The following LNP1 variants were observed in gnomAD, a reference collection of about 807,000 sequenced individuals.
The protein encoded by LNP1 is leukemia NUP98 fusion partner 1.
LNP1 carries 12 observed loss-of-function variants against 14.5 expected under a neutral mutation model. That is an observed-to-expected ratio of 0.83 (90% CI 0.53 to 1.34). The LOEUF is 1.34. Ranked by LOEUF, LNP1 falls within the 40% of genes most tolerant of loss-of-function variation. The probability of loss-of-function intolerance (pLI) is 0.00; values close to 1 mark genes in which losing one functional copy is unlikely to be tolerated. For synonymous variants in LNP1, 75 were observed against 71.4 expected (o/e 1.05, Z -0.26); for missense variants, 198 against 210.9 (o/e 0.94, Z 0.38).
At chr3:100,411,779 C>T (rs1707033965) in intron 1 of LNP1, among the ~76,000 whole-genome samples, 1 of 152,262 alleles carries the variant, frequency 6.6e-6, no homozygotes, top group East Asian at 1.9e-4. Context: ...ACCAAGGCCC[C>T]ACCCTCATAA....
chr3:100,412,148 A>G (rs1302471527), intron 1 of LNP1, among the ~76,000 whole-genome samples: 1 of 152,224 alleles, frequency 6.6e-6, no homozygotes, highest in Non-Finnish European at 1.5e-5. Context: ...GTGCTAGATC[A>G]AAACACGGCA....
At chr3:100,432,868 A>T (rs1446226454) in intron 2 of LNP1, among the ~76,000 whole-genome samples, 2 of 152,132 alleles carry the variant, frequency 1.3e-5, no homozygotes. Context: ...GGAAGGGAAG[A>T]CTGTGCTAAA....
intron 1 of LNP1, among the ~76,000 whole-genome samples, chr3:100,419,774 A>G (rs1295975778): frequency 6.6e-6 from 1 of 152,046 alleles, no homozygotes; most frequent in Admixed American, 6.5e-5. Context: ...TTGAGATTGA[A>G]CTTTTTTACG....
chr3:100,427,680 A>G (rs966363096), intron 1 of LNP1, among the ~76,000 whole-genome samples: 3 of 152,210 alleles, frequency 2.0e-5, no homozygotes, highest in Admixed American at 2.0e-4. Context: ...ACTCATGGAT[A>G]AGATTTATTA....
intron 2 of LNP1, among the ~76,000 whole-genome samples, chr3:100,445,423 A>G (rs531708139): frequency 6.6e-6 from 1 of 152,218 alleles, no homozygotes; most frequent in Admixed American, 6.5e-5. Flanking sequence ...GTTTATTTTG[A>G]TTGGCATTTT....
chr3:100,441,328 G>A (rs1024923517), intron 2 of LNP1, among the ~76,000 whole-genome samples: 2 of 152,174 alleles, frequency 1.3e-5, no homozygotes, highest in Non-Finnish European at 2.9e-5. Flanking sequence ...ATCAAAATTA[G>A]CTGTGGGCGA....
intron 1 of LNP1, among the ~76,000 whole-genome samples, chr3:100,423,884 C>T (rs966065112): frequency 1.3e-5 from 2 of 152,130 alleles, no homozygotes; most frequent in African/African-American, 2.4e-5. Flanking sequence ...TGCCCAGGGC[C>T]GTTACTAGGG....
intron 1 of LNP1, among the ~76,000 whole-genome samples, chr3:100,417,268 TA>T (rs1376933861): frequency 1.3e-5 from 2 of 152,080 alleles, no homozygotes; most frequent in Non-Finnish European, 2.9e-5. Context: ...CTTTCTCTTT[TA>T]AAATATAGCA....
At chr3:100,424,526 A>G (rs183020351) in intron 1 of LNP1, among the ~76,000 whole-genome samples, 81 of 152,224 alleles carry the variant, frequency 5.3e-4, no homozygotes, top group African/African-American at 1.9e-3. Flanking sequence ...CTCAATAGAG[A>G]CTCAGTACCC....
At chr3:100,418,098 C>T (rs1164390443) in intron 1 of LNP1, among the ~76,000 whole-genome samples, 6 of 137,658 alleles carry the variant, frequency 4.4e-5, no homozygotes, top group African/African-American at 1.7e-4. Context: ...CTCACTCTGT[C>T]GCCCTGGCTG....
intron 2 of LNP1, among the ~76,000 whole-genome samples, chr3:100,437,731 A>G (rs1707305066): frequency 6.6e-6 from 1 of 152,202 alleles, no homozygotes. Flanking sequence ...CTAAAGACCT[A>G]TAGATTATTA....
At position 100,405,374 on chromosome 3, in the gene LNP1, TACTC is replaced by T. The variant is rs1227002941; in HGVS notation, c.-34+2937_-34+2940del. ...AAGAGTATGTATAACACATAACAGA[TACTC>T]AATAAATAGTTTCTTCCCATCTTAG... is the stretch of plus-strand genomic sequence containing the variant. On this transcript the variant is annotated intron_variant, in intron 1 of 3. Coordinates refer to ENST00000383693, the MANE Select transcript of LNP1 (RefSeq NM_001085451.2). 1.2e-4 allele frequency among the ~76,000 whole-genome samples: 18 copies of T among 152,348 alleles called. 1 individual carries two copies. In the South Asian group the frequency reaches 1.2e-3, roughly 11 times the overall value.
chr3:100,447,366 G>T (rs908722817), intron 2 of LNP1, among the ~76,000 whole-genome samples: 1 of 152,036 alleles, frequency 6.6e-6, no homozygotes, highest in Non-Finnish European at 1.5e-5. Flanking sequence ...ACCAAACACC[G>T]CATGTTCTCA....
At chr3:100,416,857 A>G (rs769208998) in intron 1 of LNP1, among the ~76,000 whole-genome samples, 13 of 151,262 alleles carry the variant, frequency 8.6e-5, no homozygotes, top group Non-Finnish European at 1.3e-4. Context: ...TGCATTAGGT[A>G]TTTGTCCTAA....
chr3:100,405,024 C>G (rs528571451), intron 1 of LNP1, among the ~76,000 whole-genome samples: 45 of 152,218 alleles, frequency 3.0e-4, no homozygotes, highest in Non-Finnish European at 5.4e-4. Context: ...GATCTTCTGA[C>G]CTCGTGATCC....
intron 2 of LNP1, among the ~76,000 whole-genome samples, chr3:100,430,697 C>G (rs188093789): frequency 6.6e-6 from 1 of 152,192 alleles, no homozygotes; most frequent in Non-Finnish European, 1.5e-5. Flanking sequence ...TTGCCAACCC[C>G]GGAACCAAGT....
rs1489031831 is a variant in LNP1, at chr3:100,429,747, T to C, written c.18T>C (p.Asp6=). 6.2e-7 allele frequency: 1 copy of C among 1,613,654 alleles called. No homozygotes were observed. Among genetic ancestry groups the C allele is most frequent in the African/African-American group, 1.3e-5 (1 of 74,838 alleles). The change falls in exon 2 of 4, where the codon GAT becomes GAC. Residue 6 remains aspartate, a synonymous_variant. Transcript: ENST00000383693. MEHKD[D]DDDDVSFAKW... is the part of the protein sequence containing the mutation. ...ACCTTTACATGGAGCACAAAGATGATGATGATGATGATGTGTCTTTTGCCA... is the reference window on the plus strand; with the variant it reads ...ACCTTTACATGGAGCACAAAGATGACGATGATGATGATGTGTCTTTTGCCA...
At chr3:100,411,394 G>A (rs1707031038) in intron 1 of LNP1, among the ~76,000 whole-genome samples, 1 of 152,152 alleles carries the variant, frequency 6.6e-6, no homozygotes, top group Non-Finnish European at 1.5e-5. Flanking sequence ...TAGAGGTGAT[G>A]TTGTAATGAG....
At chr3:100,446,192 T>TCAAAC (rs1402837250) in intron 2 of LNP1, among the ~76,000 whole-genome samples, 1 of 152,168 alleles carries the variant, frequency 6.6e-6, no homozygotes, top group Non-Finnish European at 1.5e-5. Flanking sequence ...CTACCTGACT[T>TCAAAC]CAAACTATAC....
Sources: allele counts gnomAD v4.1 joint callset (sites outside exome capture counted in the v4.1 genomes callset), GRCh38; gene constraint gnomAD v4.1.1; transcripts MANE v1.5; gene names NCBI Gene and HGNC (gene_info 2026-07-23, HGNC 2026-07-21).